CNOT11: variants seen among roughly 807,000 people sequenced by gnomAD.
CNOT11 encodes the protein CCR4-NOT transcription complex subunit 11.
A neutral mutation model predicts 44.6 loss-of-function variants in CNOT11; 18 were observed. The observed-to-expected ratio is 0.40, with a 90% CI of 0.28 to 0.60. The LOEUF (loss-of-function observed/expected upper bound fraction) is 0.60, where lower values mean the gene tolerates loss of function less well. CNOT11 is among the 20% of genes least tolerant of loss of function. CNOT11 has a pLI of 0.38. For synonymous variants in CNOT11, 291 were observed against 270.9 expected, an observed-to-expected ratio of 1.07 and a Z score of -0.73; for missense variants, 513 against 677.0, an observed-to-expected ratio of 0.76 and a Z score of 2.69.
chr2:101,260,150 G>A (rs992966314), intron 2 of CNOT11, among the ~76,000 whole-genome samples: 1 of 152,114 alleles, frequency 6.6e-6, no homozygotes, highest in African/African-American at 2.4e-5. Context: ...AAAAGTACTA[G>A]CCACTAGTGC....
chr2:101,262,291 T>G (rs867679340), intron 2 of CNOT11: 62 of 427,002 alleles, frequency 1.5e-4, no homozygotes, highest in Middle Eastern at 6.5e-4. Context: ...TCATCAACAT[T>G]GTTTTATTAT....
intron 4 of CNOT11, 141 bp from the exon 5 acceptor site, chr2:101,266,533 GGAA>G: frequency 1.6e-6 from 1 of 642,616 alleles, no homozygotes. Flanking sequence ...TGGGTTTGAA[GGAA>G]GAAATTTATG....
In CNOT11 at chr2:101,252,931, T is replaced by A; in HGVS notation, c.-34T>A. The A allele has an allele frequency of 5.7e-6, 8 of 1,403,798 alleles. No homozygotes were observed. Among genetic ancestry groups the A allele is most frequent in the Non-Finnish European group, 7.3e-6 (8 of 1,089,312 alleles). The allele number at this position is 1,403,798 out of a possible 1,614,324, so 87.0% of individuals were successfully genotyped here. A position where few individuals can be genotyped will look rare whatever the true frequency, so the allele number is the denominator to read the frequency against. ...CGGAGCGAGCCGGCGCCAGGGCCCC[T>A]CGGGCCGGGAAGAGGGGAAGGGGAG... On this transcript the variant is annotated 5_prime_UTR_variant, in exon 1 of 7. Coordinates refer to ENST00000289382, the MANE Select transcript of CNOT11 (RefSeq NM_017546.5).
intron 2 of CNOT11, among the ~76,000 whole-genome samples, chr2:101,261,914 T>G (rs1182593939): frequency 1.3e-5 from 2 of 150,374 alleles, no homozygotes; most frequent in African/African-American, 4.9e-5. Flanking sequence ...TGGCGCGATC[T>G]TGGCTCACTG....
chr2:101,265,811 A>G (rs1375617261), intron 4 of CNOT11, among the ~76,000 whole-genome samples: 1 of 152,110 alleles, frequency 6.6e-6, no homozygotes, highest in Non-Finnish European at 1.5e-5. Flanking sequence ...AGTAGCCCCC[A>G]CTGCCCGAGT....
chr2:101,260,823 A>C (rs1468744384), intron 2 of CNOT11, among the ~76,000 whole-genome samples: 4 of 120,892 alleles, frequency 3.3e-5, no homozygotes, highest in Non-Finnish European at 7.4e-5. Context: ...TGGCCAATTT[A>C]TCTTTTTTTT....
chr2:101,259,497 T>G (rs1681804731), intron 2 of CNOT11, among the ~76,000 whole-genome samples: 1 of 152,178 alleles, frequency 6.6e-6, no homozygotes, highest in Non-Finnish European at 1.5e-5. Flanking sequence ...AGGAGGCACT[T>G]TGGGCTTGCC....
At chr2:101,257,009 A>G (rs1681747478) in intron 1 of CNOT11, among the ~76,000 whole-genome samples, 2 of 151,804 alleles carry the variant, frequency 1.3e-5, no homozygotes, top group African/African-American at 2.4e-5. Flanking sequence ...AGATTGCACC[A>G]CTGCACTCCA....
In CNOT11 at chr2:101,264,161, C is replaced by T. The variant is rs1681926567; in HGVS notation, c.833-684C>T. The stretch of plus-strand genomic sequence containing the variant: ...TATGTGAGATGTGAAATTGGTTCAG[C>T]AGAAGTCCTAGCCAGCATTTATTTC... On this transcript the variant is annotated intron_variant, in intron 3 of 6. Coordinates refer to ENST00000289382, the MANE Select transcript of CNOT11 (RefSeq NM_017546.5). 3.3e-5 allele frequency among the ~76,000 whole-genome samples: 5 copies of T among 152,328 alleles called. No homozygotes were observed. In the South Asian group the frequency reaches 1.0e-3, roughly 32 times the overall value.
chr2:101,261,727 T>G (rs761590660), intron 2 of CNOT11, among the ~76,000 whole-genome samples: 1 of 152,204 alleles, frequency 6.6e-6, no homozygotes, highest in Non-Finnish European at 1.5e-5. Context: ...TAACTGGATT[T>G]TCCCTAGTTC....
chr2:101,256,920 G>C (rs1389691506), intron 1 of CNOT11, among the ~76,000 whole-genome samples: 1 of 151,998 alleles, frequency 6.6e-6, no homozygotes, highest in Non-Finnish European at 1.5e-5. Flanking sequence ...GTGGTGGCGG[G>C]CGCCTGTAGT....
chr2:101,261,844 CT>C lies in CNOT11; in HGVS notation c.680-675del, dbSNP rs3044629. Among the ~76,000 whole-genome samples, 758 of 111,844 alleles carry C rather than the reference CT, an allele frequency of 6.8e-3. 3 individuals carry two copies. Among genetic ancestry groups the C allele is most frequent in the African/African-American group, 0.022 (664 of 30,496 alleles). The allele number at this position is 111,844 out of a possible 152,430, so 73.4% of individuals were successfully genotyped here. A position where few individuals can be genotyped will look rare whatever the true frequency, so the allele number is the denominator to read the frequency against. On this transcript the variant is annotated intron_variant, in intron 2 of 6. Coordinates refer to ENST00000289382, the MANE Select transcript of CNOT11 (RefSeq NM_017546.5). The stretch of plus-strand genomic sequence containing the variant: ...TTTTTTCCTGTTGGTTTCTTTCTTT[CT>C]TTTTTTTTTTTTTTTTTTTGAGATG...
chr2:101,262,678 G>A lies in CNOT11; in HGVS notation c.819G>A (p.Lys273=), dbSNP rs560857897. ...QITEALVSGP[K]PPIESHFRPE... is the part of the protein sequence containing the mutation. The stretch of plus-strand genomic sequence containing the variant: ...CAGAAGCTTTAGTCAGCGGACCAAA[G>A]CCACCTATTGAAAGTAGGTACATAT... The change falls in exon 3 of 7, where the codon AAG becomes AAA. Residue 273 remains lysine, a synonymous_variant. Coordinates refer to ENST00000289382, the MANE Select transcript of CNOT11 (RefSeq NM_017546.5). 5.0e-6 allele frequency: 8 copies of A among 1,613,948 alleles called. No homozygotes were observed. In the South Asian group the frequency reaches 8.8e-5, roughly 18 times the overall value.
At chr2:101,268,981 CAG>C in intron 5 of CNOT11, 57 bp from the exon 6 acceptor site, 2 of 1,080,576 alleles carry the variant, frequency 1.9e-6, no homozygotes, top group Non-Finnish European at 2.8e-6. Context: ...TTATGGTTAA[CAG>C]TGTTTCTCAA....
chr2:101,264,078 A>G (rs1013591740), intron 3 of CNOT11, among the ~76,000 whole-genome samples: 1 of 152,204 alleles, frequency 6.6e-6, no homozygotes, highest in Non-Finnish European at 1.5e-5. Flanking sequence ...TAGACTCTCA[A>G]ATTTGGCAGG....
chr2:101,265,210 C>T (rs1037268134), intron 4 of CNOT11, among the ~76,000 whole-genome samples, 163 bp downstream of exon 4: 7 of 152,138 alleles, frequency 4.6e-5, no homozygotes, highest in African/African-American at 1.4e-4. Flanking sequence ...AAGTGATACT[C>T]GTGCCTCAGC....
intron 3 of CNOT11, 138 bp from the exon 4 acceptor site, chr2:101,264,706 TC>T (rs1407598237): frequency 1.5e-6 from 1 of 664,228 alleles, no homozygotes; most frequent in African/African-American, 1.8e-5. Flanking sequence ...CATTCCTGCT[TC>T]TGATTTTGAA....
intron 5 of CNOT11, 45 bp downstream of exon 5, chr2:101,266,924 T>A: frequency 2.8e-6 from 4 of 1,428,524 alleles, no homozygotes; most frequent in Non-Finnish European, 3.9e-6. Flanking sequence ...AGATACAGAT[T>A]AGATGGCCAG....
chr2:101,264,923 C>T lies in CNOT11; in HGVS notation c.911C>T (p.Thr304Met), dbSNP rs767465008. 78 of 1,613,984 alleles carry T rather than the reference C, an allele frequency of 4.8e-5. No individual in the cohort carries two copies. Among genetic ancestry groups the T allele is most frequent in the Non-Finnish European group, 5.9e-5 (70 of 1,180,002 alleles). Residue 304 changes from threonine to methionine, a missense_variant, in exon 4 of 7, where the codon ACG (threonine) becomes ATG (methionine). Physicochemically the swap from Thr to Met is moderately conservative, Grantham distance 81. Transcript: ENST00000289382. ...GATGAACTTGCTTGGCTAAACCCCA[C>T]GGAGCCTGACCACGCGATCCAGTGG... Reference protein sequence around the residue: ...CEDELAWLNPTEPDHAIQWDK... With the variant: ...CEDELAWLNPMEPDHAIQWDK...
Sources: gnomAD v4.1 joint callset for allele counts (sites outside exome capture counted in the v4.1 genomes callset) on GRCh38, gnomAD v4.1.1 for gene constraint, MANE v1.5 for transcripts, NCBI Gene and HGNC (gene_info 2026-07-23, HGNC 2026-07-21) for gene names.